NPTN: variants seen among roughly 807,000 people sequenced by gnomAD.
The protein encoded by NPTN is SDR-1.
A neutral mutation model predicts 42.7 loss-of-function variants in NPTN; 5 were observed. The ratio of observed to expected loss-of-function variants is 0.12; its 90% confidence interval spans 0.06 to 0.25. The LOEUF (loss-of-function observed/expected upper bound fraction) is 0.25. Ranked by LOEUF, NPTN falls within the 10% of genes least tolerant of loss-of-function variation. NPTN has a pLI of 1.00. For synonymous variants in NPTN, 180 were observed against 201.9 expected, an observed-to-expected ratio of 0.89 and a Z score of 0.92; for missense variants, 307 against 525.4, an observed-to-expected ratio of 0.58 and a Z score of 4.06.
intron 2 of NPTN, among the ~76,000 whole-genome samples, chr15:73,592,954 A>G (rs556876995): frequency 1.3e-5 from 2 of 152,186 alleles, no homozygotes; most frequent in Non-Finnish European, 2.9e-5. Context: ...TGATTTGTGC[A>G]AGGCCGTAAG....
At chr15:73,604,625 C>T (rs1039292402) in intron 1 of NPTN, among the ~76,000 whole-genome samples, 4 of 152,172 alleles carry the variant, frequency 2.6e-5, no homozygotes, top group South Asian at 2.1e-4. Flanking sequence ...GGGAAATGAG[C>T]CATGGTTTAA....
Position 73,566,203 on chromosome 15 carries a change from T to C in NPTN, c.1115-2946A>G, listed in dbSNP as rs539486358. 4.8e-3 allele frequency among the ~76,000 whole-genome samples: 725 copies of C among 152,340 alleles called. 3 individuals are homozygous for C. Among genetic ancestry groups the C allele is most frequent in the Non-Finnish European group, 6.6e-3 (448 of 68,026 alleles). On this transcript the variant is annotated intron_variant, in intron 6 of 8. Transcript: ENST00000345330. ...CACCGAATGCATGTTTTAGGTGTCA[T>C]TTTAAAAGTCACATTTCTTTTCCAA...
Position 73,585,768 on chromosome 15 carries a change from C to A in NPTN, c.706+1756G>T, listed in dbSNP as rs142177404. 1.2e-3 allele frequency among the ~76,000 whole-genome samples: 184 copies of A among 152,266 alleles called. 5 individuals are homozygous for A. In the East Asian group the frequency reaches 0.03, roughly 24 times the overall value. On this transcript the variant is annotated intron_variant, in intron 4 of 8. Coordinates refer to ENST00000345330, the MANE Select transcript of NPTN (RefSeq NM_012428.4). ...TACTTCTGTAAAACCAAGATACTAC[C>A]ACCTGCCTCACCTTCCACACAGGGC...
At chr15:73,604,282 G>A (rs570176915) in intron 1 of NPTN, among the ~76,000 whole-genome samples, 40 of 152,136 alleles carry the variant, frequency 2.6e-4, no homozygotes, top group African/African-American at 5.3e-4. Flanking sequence ...TGGGTAACAC[G>A]GCAAAAAACT....
At chr15:73,612,390 ACCTAGG>A (rs1212808495) in intron 1 of NPTN, among the ~76,000 whole-genome samples, 2 of 149,748 alleles carry the variant, frequency 1.3e-5, no homozygotes, top group African/African-American at 4.9e-5. Context: ...CTGCACTCTA[ACCTAGG>A]CCCACAGAGC....
intron 1 of NPTN, among the ~76,000 whole-genome samples, chr15:73,607,437 T>A (rs1046447440): frequency 2.6e-5 from 4 of 152,236 alleles, no homozygotes; most frequent in African/African-American, 9.6e-5. Flanking sequence ...TCTTCCATCA[T>A]CATATATCGC....
At chr15:73,592,917 CTTTT>C (rs1472952063) in intron 2 of NPTN, among the ~76,000 whole-genome samples, 2 of 152,140 alleles carry the variant, frequency 1.3e-5, no homozygotes, top group Non-Finnish European at 2.9e-5. Flanking sequence ...GAATCCCACT[CTTTT>C]TTTAAGAGCT....
intron 1 of NPTN, 35 bp downstream of exon 1, chr15:73,633,090 A>ACC: frequency 7.3e-7 from 1 of 1,376,288 alleles, no homozygotes; most frequent in Non-Finnish European, 9.4e-7. Flanking sequence ...GCGCCCCTCA[A>ACC]CCCCCGCCCG....
At chr15:73,617,420 C>G (rs1897915452) in intron 1 of NPTN, among the ~76,000 whole-genome samples, 1 of 152,188 alleles carries the variant, frequency 6.6e-6, no homozygotes, top group Non-Finnish European at 1.5e-5. Flanking sequence ...TAACCACTAT[C>G]CAATGCAGGA....
intron 1 of NPTN, among the ~76,000 whole-genome samples, chr15:73,603,390 A>G (rs1897154325): frequency 6.6e-6 from 1 of 152,232 alleles, no homozygotes; most frequent in African/African-American, 2.4e-5. Context: ...GTTCTTCAAG[A>G]AACAACAAAA....
intron 1 of NPTN, among the ~76,000 whole-genome samples, chr15:73,601,335 G>GAAAAGA (rs370906451): frequency 2.6e-5 from 4 of 151,792 alleles, no homozygotes; most frequent in Non-Finnish European, 4.4e-5. Flanking sequence ...GGAAAAGAAA[G>GAAAAGA]AAAAGAAAAA....
At chr15:73,631,175 G>A (rs1481484628) in intron 1 of NPTN, among the ~76,000 whole-genome samples, 1 of 152,170 alleles carries the variant, frequency 6.6e-6, no homozygotes, top group Non-Finnish European at 1.5e-5. Flanking sequence ...AGCCAGCAGA[G>A]ATTAAACATG....
chr15:73,569,699 C>T lies in NPTN; in HGVS notation c.1114+451G>A. 1.0e-6 allele frequency: 1 copy of T among 985,454 alleles called. No homozygotes were observed. Among genetic ancestry groups the T allele is most frequent in the Non-Finnish European group, 1.2e-6 (1 of 829,928 alleles). The allele number at this position is 985,454 out of a possible 1,614,324, so 61.0% of individuals were successfully genotyped here. On this transcript the variant is annotated intron_variant, in intron 6 of 8. Transcript: ENST00000345330. The surrounding 1 kb of genome is among the most constrained non-coding windows in gnomAD (Gnocchi z 4.1). ...GGGGCTACACCAGGCAACCATGTGA[C>T]AACCAGTTAGATACCTTAAATCTGC...
At chr15:73,566,738 G>A (rs1488937531) in intron 6 of NPTN, among the ~76,000 whole-genome samples, 6 of 152,190 alleles carry the variant, frequency 3.9e-5, no homozygotes, top group Admixed American at 3.9e-4. Context: ...TCTTTTTAGA[G>A]AACTATCATT....
At chr15:73,562,099 T>C (rs923426893) in intron 7 of NPTN, 129 bp from the exon 8 acceptor site, 5 of 675,274 alleles carry the variant, frequency 7.4e-6, no homozygotes, top group Non-Finnish European at 1.3e-5. Context: ...TGTGGCACAA[T>C]ATGAGTGCAT....
At chr15:73,619,413 C>T (rs1306719140) in intron 1 of NPTN, among the ~76,000 whole-genome samples, 3 of 152,190 alleles carry the variant, frequency 2.0e-5, no homozygotes, top group African/African-American at 7.2e-5. Context: ...CCTAGTAAAA[C>T]TCATGCTGCT....
chr15:73,569,379 T>A lies in NPTN; in HGVS notation c.1114+771A>T. ...AGATTTCAGCTCTTGCTCTTTCCAG[T>A]GCTCAGTGGTGTGCTGTGGTTCTGC... On this transcript the variant is annotated intron_variant, in intron 6 of 8. Coordinates refer to ENST00000345330, the MANE Select transcript of NPTN (RefSeq NM_012428.4). This position sits in a 1 kb window ranked among gnomAD's most constrained non-coding sequence, Gnocchi z 4.1. 1.0e-6 allele frequency: 1 copy of A among 985,598 alleles called. No individual in the cohort carries two copies. 61.1% of individuals were successfully genotyped at this position (985,598 alleles called of 1,614,324 possible). A position where few individuals can be genotyped will look rare whatever the true frequency, so the allele number is the denominator to read the frequency against.
chr15:73,562,143 T>C (rs1044532513), intron 7 of NPTN, among the ~76,000 whole-genome samples, 173 bp from the exon 8 acceptor site: 1 of 152,204 alleles, frequency 6.6e-6, no homozygotes, highest in Non-Finnish European at 1.5e-5. Context: ...ACAGGTTAAG[T>C]ATCCCTCATC....
intron 6 of NPTN, chr15:73,567,026 A>G: frequency 1.2e-6 from 1 of 864,094 alleles, no homozygotes; most frequent in Non-Finnish European, 1.4e-6. Context: ...TTTTTTTTAA[A>G]GGAAGCAGCT....
Sources: allele counts gnomAD v4.1 joint callset (sites outside exome capture counted in the v4.1 genomes callset), GRCh38; gene constraint gnomAD v4.1.1; non-coding constraint Gnocchi (gnomAD v3.1); transcripts MANE v1.5; gene names NCBI Gene and HGNC (gene_info 2026-07-23, HGNC 2026-07-21).